Variants in MYO16 observed in about 807,000 individuals in gnomAD.
The protein encoded by MYO16 is unconventional myosin-XVI.
In MYO16, 94 loss-of-function variants were observed where a neutral mutation model predicts 205.3. The ratio of observed to expected loss-of-function variants is 0.46; its 90% CI spans 0.39 to 0.54. The LOEUF (loss-of-function observed/expected upper bound fraction) is 0.54, where lower values mean the gene tolerates loss of function less well. MYO16 is among the 20% of genes least tolerant of loss of function. MYO16 has a pLI of 0.00. For synonymous variants in MYO16, 988 were observed against 954.0 expected (o/e 1.04, Z -0.66); for missense variants, 2,315 against 2,387.5 (o/e 0.97, Z 0.63).
intron 20 of MYO16, among the ~76,000 whole-genome samples, chr13:108,973,078 G>A (rs544258083): frequency 6.6e-6 from 1 of 152,106 alleles, no homozygotes; most frequent in Admixed American, 6.5e-5. Flanking sequence ...GAAAGCTCAA[G>A]GATTTAAGTA....
chr13:108,668,924 T>A (rs1881861894), intron 2 of MYO16, among the ~76,000 whole-genome samples: 1 of 151,960 alleles, frequency 6.6e-6, no homozygotes, highest in African/African-American at 2.4e-5. Flanking sequence ...CAGGATAACA[T>A]CAAGCTTTTG....
chr13:108,743,865 C>G (rs1566582565), intron 4 of MYO16, among the ~76,000 whole-genome samples: 1 of 152,196 alleles, frequency 6.6e-6, no homozygotes, highest in Non-Finnish European at 1.5e-5. Flanking sequence ...AAACTTGACT[C>G]ATTAGTTGTT....
At chr13:108,996,468 T>A (rs879628837) in intron 21 of MYO16, among the ~76,000 whole-genome samples, 6 of 152,092 alleles carry the variant, frequency 3.9e-5, no homozygotes, top group Non-Finnish European at 5.9e-5. Context: ...ATGAAATTTT[T>A]AAAAATTATT....
At chr13:108,658,776 A>G (rs191085782) in intron 1 of MYO16, among the ~76,000 whole-genome samples, 2 of 152,246 alleles carry the variant, frequency 1.3e-5, no homozygotes, top group East Asian at 3.9e-4. Flanking sequence ...GTTCCTCAGA[A>G]TTTATTGAGA....
At position 108,816,377 on chromosome 13, in the gene MYO16, CG is replaced by C. The variant is rs760527444; in HGVS notation, c.868-3959del. ...AAAAATTAAAAGAAATTAAGTTTAC[CG>C]TTTAAGTTTACGCTAGAATGGGCAT... On this transcript the variant is annotated intron_variant, in intron 7 of 34. Transcript: ENST00000457511. 2.6e-5 allele frequency among the ~76,000 whole-genome samples: 4 copies of C among 151,138 alleles called. No homozygotes were observed. In the East Asian group the frequency reaches 7.9e-4, roughly 30 times the overall value.
At chr13:108,842,114 C>A (rs1566363418) in intron 9 of MYO16, among the ~76,000 whole-genome samples, 1 of 151,462 alleles carries the variant, frequency 6.6e-6, no homozygotes, top group East Asian at 1.9e-4. Flanking sequence ...CCATAAACCT[C>A]AAAAAAAATC....
intron 1 of MYO16, among the ~76,000 whole-genome samples, chr13:108,653,409 T>G (rs1881099940): frequency 6.6e-6 from 1 of 152,178 alleles, no homozygotes; most frequent in South Asian, 2.1e-4. Flanking sequence ...CATTCGTCTA[T>G]TTTTGCTTTT....
intron 16 of MYO16, among the ~76,000 whole-genome samples, chr13:108,931,540 C>A (rs1594405636): frequency 6.6e-6 from 1 of 152,256 alleles, no homozygotes; most frequent in East Asian, 1.9e-4. Flanking sequence ...TGTCAGCATC[C>A]TCTGTGTGTA....
At chr13:108,595,429 T>A (rs1200353186), upstream of MYO16, among the ~76,000 whole-genome samples, 1 of 152,140 alleles carries the variant, frequency 6.6e-6, no homozygotes, top group Admixed American at 6.5e-5. Flanking sequence ...TGCTCTTGAG[T>A]TAAAAAAAAA....
chr13:108,896,879 G>T (rs1171253690), intron 14 of MYO16, among the ~76,000 whole-genome samples: 2 of 152,202 alleles, frequency 1.3e-5, no homozygotes, highest in Middle Eastern at 3.4e-3. Flanking sequence ...GGCTGAGGCA[G>T]GAGAATTGCT....
chr13:109,047,918 T>G (rs1594500289), intron 24 of MYO16, among the ~76,000 whole-genome samples: 1 of 152,116 alleles, frequency 6.6e-6, no homozygotes, highest in African/African-American at 2.4e-5. Flanking sequence ...TTCTCAGAAC[T>G]TATGTTTATT....
chr13:109,057,669 T>C (rs1433924721), intron 27 of MYO16, among the ~76,000 whole-genome samples: 1 of 152,132 alleles, frequency 6.6e-6, no homozygotes, highest in Non-Finnish European at 1.5e-5. Flanking sequence ...TTATAGTGTG[T>C]GTATTAAAGG....
At chr13:109,103,981 T>C (rs1955529539) in intron 28 of MYO16, among the ~76,000 whole-genome samples, 1 of 152,222 alleles carries the variant, frequency 6.6e-6, no homozygotes, top group African/African-American at 2.4e-5. Context: ...CTAATAACTC[T>C]ATGCAGAAAA....
intron 9 of MYO16, 38 bp downstream of exon 9, chr13:108,823,316 T>C: frequency 6.4e-7 from 1 of 1,561,404 alleles, no homozygotes; most frequent in Non-Finnish European, 8.7e-7. Context: ...TGCCATCTTC[T>C]CTACCTGCTG....
chr13:108,972,132 C>T (rs1174388451), intron 20 of MYO16, among the ~76,000 whole-genome samples: 1 of 142,632 alleles, frequency 7.0e-6, no homozygotes, highest in African/African-American at 2.6e-5. Flanking sequence ...ATTGCTTCAG[C>T]CCAGGACGGT....
intron 1 of MYO16, among the ~76,000 whole-genome samples, chr13:108,600,054 G>A (rs545370617): frequency 2.1e-3 from 319 of 152,114 alleles, no homozygotes; most frequent in African/African-American, 7.3e-3. Context: ...AAATTATTCA[G>A]CTGAAAAAAA....
At chr13:108,707,413 T>A (rs1484532622) in intron 2 of MYO16, among the ~76,000 whole-genome samples, 1 of 152,140 alleles carries the variant, frequency 6.6e-6, no homozygotes, top group East Asian at 1.9e-4. Context: ...ACAGAACAAT[T>A]TGTATCTTTA....
Position 109,120,387 on chromosome 13 carries a change from G to A in MYO16, c.3456G>A (p.Val1152=), listed in dbSNP as rs1379021698. 4 of 1,604,686 alleles carry A rather than the reference G, an allele frequency of 2.5e-6. No homozygotes were observed. Among genetic ancestry groups the A allele is most frequent in the African/African-American group, 1.3e-5 (1 of 74,664 alleles). ...LQGWQMGVRK[V]FLKYWHADQL... ...CATTTTAGATGGGAGTCCGAAAAGTGTTTCTAAAATACTGGCATGCTGACC... is the reference window on the plus strand; with the variant it reads ...CATTTTAGATGGGAGTCCGAAAAGTATTTCTAAAATACTGGCATGCTGACC... Residue 1152 remains valine, a synonymous_variant, in exon 29 of 35, where the codon GTG becomes GTA. Transcript: ENST00000457511.
chr13:109,116,343 G>GA (rs990186432), intron 28 of MYO16, among the ~76,000 whole-genome samples: 2 of 152,136 alleles, frequency 1.3e-5, no homozygotes, highest in Admixed American at 1.3e-4. Context: ...TAGGCTACAT[G>GA]AAAAACCCAC....
Sources: gnomAD v4.1 joint callset for allele counts (sites outside exome capture counted in the v4.1 genomes callset) on GRCh38, gnomAD v4.1.1 for gene constraint, MANE v1.5 for transcripts, NCBI Gene and HGNC (gene_info 2026-07-23, HGNC 2026-07-21) for gene names.